LRRTM4: variants seen among roughly 807,000 people sequenced by gnomAD.
LRRTM4 encodes the protein leucine-rich repeat transmembrane neuronal protein 4.
Under a neutral mutation model 47.6 loss-of-function variants are expected in LRRTM4, and 25 were observed. The ratio of observed to expected loss-of-function variants is 0.53; its 90% CI spans 0.38 to 0.73. The LOEUF (loss-of-function observed/expected upper bound fraction) is 0.73. Ranked by LOEUF, LRRTM4 falls within the 30% of genes least tolerant of loss-of-function variation. LRRTM4 has a pLI of 0.00. For missense variants in LRRTM4, 638 were observed against 713.4 expected (o/e 0.89, Z 1.20); for synonymous variants, 311 against 269.5 (o/e 1.15, Z -1.51).
intron 3 of LRRTM4, among the ~76,000 whole-genome samples, chr2:76,891,915 A>C (rs1336507016): frequency 6.6e-6 from 1 of 151,732 alleles, no homozygotes; most frequent in Non-Finnish European, 1.5e-5. Context: ...TAAAATCGAG[A>C]AGAAAAAATT....
chr2:77,436,777 T>C (rs1675616709), intron 3 of LRRTM4, among the ~76,000 whole-genome samples: 1 of 151,930 alleles, frequency 6.6e-6, no homozygotes, highest in African/African-American at 2.4e-5. Context: ...ATTTTCTGTA[T>C]GTAGTATATA....
intron 3 of LRRTM4, among the ~76,000 whole-genome samples, chr2:76,965,534 A>T (rs1361842972): frequency 6.6e-6 from 1 of 151,308 alleles, no homozygotes; most frequent in African/African-American, 2.4e-5. Flanking sequence ...AACAAAAACT[A>T]TTTTATTGTT....
rs537632823 is a variant in LRRTM4 at position 77,197,945 on chromosome 2, A to G, written c.1551+320373T>C. On this transcript the variant is annotated intron_variant, in intron 3 of 3. Transcript: ENST00000409884. The stretch of plus-strand genomic sequence containing the variant: ...CTGTTTTGAATTATATTTTCATTTT[A>G]GTTTTCTTTTTCCTGCTTAAGAGAC... Among the ~76,000 whole-genome samples the G allele has an allele frequency of 9.8e-5, 15 of 152,316 alleles. No homozygotes were observed. In the South Asian group the frequency reaches 3.1e-3, roughly 32 times the overall value.
At chr2:77,000,752 T>G (rs1221659468) in intron 3 of LRRTM4, among the ~76,000 whole-genome samples, 1 of 152,132 alleles carries the variant, frequency 6.6e-6, no homozygotes, top group Non-Finnish European at 1.5e-5. Flanking sequence ...TACATCTTGT[T>G]TTTCTTCATA....
intron 3 of LRRTM4, among the ~76,000 whole-genome samples, chr2:76,934,421 T>C (rs1674873208): frequency 6.6e-6 from 1 of 152,144 alleles, no homozygotes; most frequent in Admixed American, 6.5e-5. Context: ...ACATAACAAC[T>C]AAAATTTTGC....
intron 3 of LRRTM4, among the ~76,000 whole-genome samples, chr2:76,999,788 G>T (rs910877652): frequency 1.3e-5 from 2 of 151,990 alleles, no homozygotes; most frequent in East Asian, 1.9e-4. Context: ...TTTTCCACTT[G>T]TCTCAGGATC....
At chr2:76,835,985 C>T (rs2103913011) in intron 3 of LRRTM4, among the ~76,000 whole-genome samples, 1 of 151,876 alleles carries the variant, frequency 6.6e-6, no homozygotes, top group East Asian at 1.9e-4. Flanking sequence ...TCTGAAATCC[C>T]AGGGGATATT....
intron 3 of LRRTM4, among the ~76,000 whole-genome samples, chr2:77,001,392 G>C (rs1677422702): frequency 6.6e-6 from 1 of 152,162 alleles, no homozygotes; most frequent in African/African-American, 2.4e-5. Context: ...TCCCAGGAAA[G>C]TGATCTACCT....
intron 3 of LRRTM4, among the ~76,000 whole-genome samples, chr2:76,810,500 C>G (rs372462712): frequency 6.6e-6 from 1 of 152,040 alleles, no homozygotes; most frequent in Non-Finnish European, 1.5e-5. Context: ...AGCATATTAG[C>G]TATTATTGAT....
At chr2:77,145,421 A>G in intron 3 of LRRTM4, among the ~76,000 whole-genome samples, 1 of 152,046 alleles carries the variant, frequency 6.6e-6, no homozygotes, top group Non-Finnish European at 1.5e-5. Context: ...AATGAAATAC[A>G]GAAACAATAT....
chr2:76,893,899 A>T (rs563320353), intron 3 of LRRTM4, among the ~76,000 whole-genome samples: 2 of 152,044 alleles, frequency 1.3e-5, no homozygotes, highest in South Asian at 4.1e-4. Context: ...TATGTTTAAC[A>T]TCAGGAGAAA....
At chr2:77,216,800 C>T (rs540828297) in intron 3 of LRRTM4, among the ~76,000 whole-genome samples, 11 of 151,782 alleles carry the variant, frequency 7.2e-5, no homozygotes, top group South Asian at 2.1e-4. Flanking sequence ...AGGCTGGGCG[C>T]GGTGGCTCAT....
intron 3 of LRRTM4, among the ~76,000 whole-genome samples, chr2:77,124,429 A>G (rs995392327): frequency 2.0e-5 from 3 of 152,134 alleles, no homozygotes; most frequent in African/African-American, 7.2e-5. Context: ...CTCCCGCCAA[A>G]TTCAAGACAA....
At chr2:77,359,687 G>A (rs1672103983) in intron 3 of LRRTM4, among the ~76,000 whole-genome samples, 1 of 152,160 alleles carries the variant, frequency 6.6e-6, no homozygotes, top group South Asian at 2.1e-4. Context: ...CATTGGCCAA[G>A]GATTGAATCT....
At chr2:77,515,600 T>C (rs527865877) in intron 3 of LRRTM4, among the ~76,000 whole-genome samples, 1 of 151,580 alleles carries the variant, frequency 6.6e-6, no homozygotes, top group African/African-American at 2.4e-5. Context: ...GTGTTTTTAA[T>C]TTTTTTTTAA....
intron 3 of LRRTM4, among the ~76,000 whole-genome samples, chr2:76,875,017 G>GT (rs1672739674): frequency 6.6e-6 from 1 of 151,920 alleles, no homozygotes; most frequent in Non-Finnish European, 1.5e-5. Context: ...TCTCTGATCT[G>GT]TTTTACTATG....
chr2:77,438,521 C>T (rs1430171883), intron 3 of LRRTM4, among the ~76,000 whole-genome samples: 2 of 149,960 alleles, frequency 1.3e-5, no homozygotes, highest in African/African-American at 2.5e-5. Context: ...ATTCTCCTTC[C>T]TCAGCCTCCC....
At chr2:76,881,009 A>G (rs1282509307) in intron 3 of LRRTM4, among the ~76,000 whole-genome samples, 1 of 152,152 alleles carries the variant, frequency 6.6e-6, no homozygotes, top group East Asian at 1.9e-4. Context: ...AGATAGGAGG[A>G]TTAAATTCTA....
intron 3 of LRRTM4, among the ~76,000 whole-genome samples, chr2:76,883,704 T>C (rs946323808): frequency 6.6e-6 from 1 of 152,074 alleles, no homozygotes; most frequent in Non-Finnish European, 1.5e-5. Context: ...TGGAGCAGAG[T>C]CACAGTCACT....
Sources: gnomAD v4.1 joint callset for allele counts (sites outside exome capture counted in the v4.1 genomes callset) on GRCh38, gnomAD v4.1.1 for gene constraint, MANE v1.5 for transcripts, NCBI Gene and HGNC (gene_info 2026-07-23, HGNC 2026-07-21) for gene names.